Variants in ZC3H7A observed in about 807,000 individuals in gnomAD.
ZC3H7A encodes the protein zinc finger CCCH domain-containing protein 7A.
Under a neutral mutation model 125.5 loss-of-function variants are expected in ZC3H7A, and 44 were observed. The observed-to-expected ratio is 0.35, with a 90% CI of 0.28 to 0.45. The LOEUF (loss-of-function observed/expected upper bound fraction) is 0.45. Ranked by LOEUF, ZC3H7A falls within the 20% of genes least tolerant of loss-of-function variation. ZC3H7A has a pLI of 1.00. For synonymous variants in ZC3H7A, 399 were observed against 391.2 expected (o/e 1.02, Z -0.23); for missense variants, 977 against 1,170.7 (o/e 0.83, Z 2.41).
chr16:11,773,002 C>T lies in ZC3H7A; in HGVS notation c.903+1234G>A, dbSNP rs2053013705. Among the ~76,000 whole-genome samples, 3 of 151,822 alleles carry T rather than the reference C, an allele frequency of 2.0e-5. No homozygotes were observed. In the South Asian group the frequency reaches 6.2e-4, roughly 31 times the overall value. On this transcript the variant is annotated intron_variant, in intron 9 of 22. Coordinates refer to ENST00000355758, the MANE Select transcript of ZC3H7A (RefSeq NM_014153.4). ...CACTGCACCCAGCAGAAAAGGCTTTCTATACAGGGATGGACACTAAGTATT... is the reference window on the plus strand; with the variant it reads ...CACTGCACCCAGCAGAAAAGGCTTTTTATACAGGGATGGACACTAAGTATT...
At chr16:11,767,128 T>C (rs1427410483) in intron 13 of ZC3H7A, among the ~76,000 whole-genome samples, 2 of 152,224 alleles carry the variant, frequency 1.3e-5, no homozygotes, top group Non-Finnish European at 2.9e-5. Flanking sequence ...AGATTAATAC[T>C]GTGTTTTTCC....
chr16:11,760,945 T>C (rs1278566545), intron 19 of ZC3H7A, among the ~76,000 whole-genome samples: 1 of 152,220 alleles, frequency 6.6e-6, no homozygotes, highest in Non-Finnish European at 1.5e-5. Flanking sequence ...TGGGTTACTT[T>C]TAGAAAGTCT....
At chr16:11,768,236 T>C (rs1434950327) in intron 12 of ZC3H7A, 79 bp downstream of exon 12, 2 of 1,279,826 alleles carry the variant, frequency 1.6e-6, no homozygotes, top group African/African-American at 1.5e-5. Flanking sequence ...GTTGTTAACA[T>C]GTATTTACAA....
intron 7 of ZC3H7A, among the ~76,000 whole-genome samples, chr16:11,776,096 G>A (rs926221522): frequency 1.1e-4 from 17 of 152,172 alleles, no homozygotes; most frequent in African/African-American, 4.1e-4. Context: ...AGGAGGTGGA[G>A]GTTGCAGTGA....
At chr16:11,778,263 C>G (rs1310199692) in intron 4 of ZC3H7A, among the ~76,000 whole-genome samples, 1 of 151,770 alleles carries the variant, frequency 6.6e-6, no homozygotes, top group Admixed American at 6.6e-5. Flanking sequence ...ACAGTGAAAC[C>G]CCATCTCTAA....
chr16:11,794,057 C>T (rs1188320737), intron 1 of ZC3H7A, among the ~76,000 whole-genome samples: 1 of 152,186 alleles, frequency 6.6e-6, no homozygotes, highest in Non-Finnish European at 1.5e-5. Flanking sequence ...GTGGTGGTTC[C>T]CAGGAACATC....
chr16:11,790,730 G>A (rs1254505004), intron 1 of ZC3H7A, among the ~76,000 whole-genome samples: 2 of 151,978 alleles, frequency 1.3e-5, no homozygotes, highest in Non-Finnish European at 2.9e-5. Context: ...GTAGAGATGA[G>A]GTTTCTTCAT....
chr16:11,769,062 G>T lies in ZC3H7A; in HGVS notation c.1142C>A (p.Pro381Gln), dbSNP rs1033009917. 1 of 1,609,912 alleles carries T rather than the reference G, an allele frequency of 6.2e-7. No homozygotes were observed. Among genetic ancestry groups the T allele is most frequent in the Non-Finnish European group, 8.5e-7 (1 of 1,178,448 alleles). Residue 381 changes from proline (P) to glutamine (Q), a missense_variant, in exon 11 of 23, where the codon CCG becomes CAG. Coordinates refer to ENST00000355758, the MANE Select transcript of ZC3H7A (RefSeq NM_014153.4). ...AAGGGAAGAATTACTGTTGTTAAGC[G>T]GTGTTCCCTCTCTAGAAGTTGAGGT... Reference protein sequence around the residue: ...LSTSTSREGTPLNNSNSSLLL... With the variant: ...LSTSTSREGTQLNNSNSSLLL...
chr16:11,757,483 CAAAAAAAAA>C (rs61471026), intron 20 of ZC3H7A, among the ~76,000 whole-genome samples: 101 of 40,970 alleles, frequency 2.5e-3, no homozygotes, highest in African/African-American at 6.8e-3. Context: ...GACTCTGTCT[CAAAAAAAAA>C]AAAAAAAAAA....
rs952201202 is a variant in ZC3H7A, at chr16:11,751,096, G to C, written c.*221C>G. On this transcript the variant is annotated 3_prime_UTR_variant, in exon 23 of 23. Transcript: ENST00000355758. ...AAAGTCTGTTCAACAGATGGCAACC[G>C]GGTAGCAGTCACTTCACCATCTGAT... is the stretch of plus-strand genomic sequence containing the variant. 8.8e-6 allele frequency: 4 copies of C among 454,162 alleles called. No individual in the cohort carries two copies. The highest frequency in any genetic ancestry group is 1.6e-5 in the Non-Finnish European group (4 of 255,842). 28.1% of individuals were successfully genotyped at this position (454,162 alleles called of 1,614,324 possible).
In ZC3H7A at chr16:11,765,139, A is replaced by G; in HGVS notation, c.1734T>C (p.His578=). The change falls in exon 15 of 23, where the codon CAT becomes CAC. Residue 578 remains histidine (H), a synonymous_variant. Coordinates refer to ENST00000355758, the MANE Select transcript of ZC3H7A (RefSeq NM_014153.4). This position sits in a 1 kb window ranked among gnomAD's most constrained non-coding sequence, Gnocchi z 4.8. ...TTCTTTTACTTATCATTCTAGGCTT[A>G]TGATCAAAACATTTCTGGAATAGAG... ...FIFLCEKCFD[H]KPRMISKRNK... 1 of 1,554,166 alleles carries G rather than the reference A, an allele frequency of 6.4e-7. No individual in the cohort carries two copies. Among genetic ancestry groups the G allele is most frequent in the South Asian group, 1.2e-5 (1 of 82,350 alleles).
At chr16:11,751,539 A>G (rs760676479) in intron 22 of ZC3H7A, 33 bp from the exon 23 acceptor site, 35 of 1,573,262 alleles carry the variant, frequency 2.2e-5, no homozygotes, top group Non-Finnish European at 1.7e-5. Context: ...CAGTGTCCAT[A>G]TAAGTTGTTT....
intron 1 of ZC3H7A, among the ~76,000 whole-genome samples, chr16:11,795,689 G>A (rs1039075439): frequency 3.9e-5 from 6 of 151,982 alleles, no homozygotes; most frequent in South Asian, 2.1e-4. Context: ...CACACACCTC[G>A]GCCTCCCAAA....
At chr16:11,780,244 C>T (rs2053153523) in intron 3 of ZC3H7A, among the ~76,000 whole-genome samples, 1 of 151,722 alleles carries the variant, frequency 6.6e-6, no homozygotes, top group Non-Finnish European at 1.5e-5. Flanking sequence ...TCTTAGCCTC[C>T]CGAGTAGCTG....
At position 11,752,587 on chromosome 16, in the gene ZC3H7A, A is replaced by G. The variant is rs1273525139; in HGVS notation, c.2726+82T>C. 4.0e-6 allele frequency: 6 copies of G among 1,512,726 alleles called. No individual in the cohort carries two copies. The East Asian group carries it at 1.4e-4, about 34-fold the overall frequency. 93.7% of individuals were successfully genotyped at this position (1,512,726 alleles called of 1,614,324 possible). A position where few individuals can be genotyped will look rare whatever the true frequency, so the allele number is the denominator to read the frequency against. On this transcript the variant is annotated intron_variant, in intron 22 of 22. Transcript: ENST00000355758. Reference sequence around the variant, plus strand: ...CAGCAACATTAGAACTTTAACACCCAGGTATTCCGTGTCAGCTGACATGTC... The same window carrying G: ...CAGCAACATTAGAACTTTAACACCCGGGTATTCCGTGTCAGCTGACATGTC...
At chr16:11,760,312 A>T (rs1438880750) in intron 19 of ZC3H7A, among the ~76,000 whole-genome samples, 1 of 152,126 alleles carries the variant, frequency 6.6e-6, no homozygotes, top group Admixed American at 6.5e-5. Flanking sequence ...TCATTTTATC[A>T]AAGTACTTGA....
In ZC3H7A at chr16:11,770,703, C is replaced by A. The variant is rs1352815353; in HGVS notation, c.1108+80G>T. 3 of 1,267,212 alleles carry A rather than the reference C, an allele frequency of 2.4e-6. No homozygotes were observed. The African/African-American group carries it at 4.5e-5, about 19-fold the overall frequency. 78.5% of individuals were successfully genotyped at this position (1,267,212 alleles called of 1,614,324 possible). A position where few individuals can be genotyped will look rare whatever the true frequency, so the allele number is the denominator to read the frequency against. ...AATTCACATGTCTACTACCTAGAGTCAGTTAAATAATTGCCAAACAAACAT... is the reference window on the plus strand; with the variant it reads ...AATTCACATGTCTACTACCTAGAGTAAGTTAAATAATTGCCAAACAAACAT... On this transcript the variant is annotated intron_variant, in intron 10 of 22. Transcript: ENST00000355758.
chr16:11,794,043 C>A (rs901550864), intron 1 of ZC3H7A, among the ~76,000 whole-genome samples: 24 of 152,202 alleles, frequency 1.6e-4, no homozygotes, highest in Non-Finnish European at 3.1e-4. Flanking sequence ...CCACGCCCTG[C>A]TAAGTGGTGG....
chr16:11,784,617 G>A (rs934308958), intron 1 of ZC3H7A, among the ~76,000 whole-genome samples: 5 of 152,084 alleles, frequency 3.3e-5, no homozygotes, highest in Admixed American at 2.0e-4. Flanking sequence ...CACTTTGAGA[G>A]GCCGAGGCGA....
Sources: gnomAD v4.1 joint callset for allele counts (sites outside exome capture counted in the v4.1 genomes callset) on GRCh38, gnomAD v4.1.1 for gene constraint, Gnocchi (gnomAD v3.1) non-coding constraint, MANE v1.5 for transcripts, NCBI Gene and HGNC (gene_info 2026-07-23, HGNC 2026-07-21) for gene names.